SLCO1B3: variants seen among roughly 807,000 people sequenced by gnomAD.
SLCO1B3 encodes the protein solute carrier organic anion transporter family member 1B3.
Under a neutral mutation model 71.8 loss-of-function variants are expected in SLCO1B3, and 72 were observed. The observed-to-expected ratio is 1.00, with a 90% CI of 0.83 to 1.22. The LOEUF (loss-of-function observed/expected upper bound fraction) is 1.22. SLCO1B3 is among the 50% of genes most tolerant of loss of function. The probability of loss-of-function intolerance (pLI) is 0.00; values close to 1 mark genes in which losing one functional copy is unlikely to be tolerated. For synonymous variants in SLCO1B3, 298 were observed against 278.4 expected, an observed-to-expected ratio of 1.07 and a Z score of -0.70; for missense variants, 911 against 819.7, an observed-to-expected ratio of 1.11 and a Z score of -1.36.
intron 8 of SLCO1B3, among the ~76,000 whole-genome samples, chr12:20,873,643 G>C (rs745492962): frequency 7.2e-5 from 11 of 152,182 alleles, no homozygotes; most frequent in Non-Finnish European, 1.0e-4. Flanking sequence ...TACATGTGCA[G>C]AATGTACAGG....
intron 10 of SLCO1B3, among the ~76,000 whole-genome samples, chr12:20,878,176 T>C (rs1865621249): frequency 1.3e-5 from 2 of 151,812 alleles, no homozygotes; most frequent in South Asian, 2.1e-4. Context: ...ATAGGTGAAA[T>C]TCTAAAGAAA....
At chr12:20,869,062 C>T (rs1218837333) in intron 8 of SLCO1B3, among the ~76,000 whole-genome samples, 7 of 152,042 alleles carry the variant, frequency 4.6e-5, no homozygotes, top group Admixed American at 3.9e-4. Context: ...GATGGTTAGG[C>T]CTCTGGATAA....
At chr12:20,894,934 A>G (rs989660454) in intron 13 of SLCO1B3, among the ~76,000 whole-genome samples, 1 of 152,192 alleles carries the variant, frequency 6.6e-6, no homozygotes, top group South Asian at 2.1e-4. Flanking sequence ...AAGCCTCACA[A>G]TCATAGTGGA....
intron 3 of SLCO1B3, among the ~76,000 whole-genome samples, chr12:20,835,583 T>C (rs1864662232): frequency 6.6e-6 from 1 of 152,136 alleles, no homozygotes; most frequent in South Asian, 2.1e-4. Context: ...AGAATCACAT[T>C]TGCTCTAGTT....
chr12:20,838,088 C>G (rs1350290408), intron 3 of SLCO1B3, among the ~76,000 whole-genome samples: 1 of 150,928 alleles, frequency 6.6e-6, no homozygotes, highest in Non-Finnish European at 1.5e-5. Flanking sequence ...CCCCCTCCCA[C>G]CTTTTTTTTT....
At chr12:20,905,378 A>T (rs1034477410) in intron 15 of SLCO1B3, among the ~76,000 whole-genome samples, 1 of 152,156 alleles carries the variant, frequency 6.6e-6, no homozygotes, top group Non-Finnish European at 1.5e-5. Context: ...AGCAGGCTTG[A>T]TTTTATTCTC....
At chr12:20,814,981 C>CTTTTTTTTTTTTTT (rs71039997) in intron 2 of SLCO1B3, among the ~76,000 whole-genome samples, 4 of 89,296 alleles carry the variant, frequency 4.5e-5, no homozygotes, top group South Asian at 4.9e-4. Context: ...CTTTTCTTTT[C>CTTTTTTTTTTTTTT]TTTTTTTTTT....
At chr12:20,820,548 T>A (rs1228882643) in intron 3 of SLCO1B3, among the ~76,000 whole-genome samples, 1 of 152,162 alleles carries the variant, frequency 6.6e-6, no homozygotes, top group Non-Finnish European at 1.5e-5. Flanking sequence ...GCTGGAGATG[T>A]GGCTGGGGTT....
intron 10 of SLCO1B3, among the ~76,000 whole-genome samples, chr12:20,878,194 G>T (rs1465047292): frequency 6.6e-6 from 1 of 151,932 alleles, no homozygotes; most frequent in Non-Finnish European, 1.5e-5. Flanking sequence ...AAAAAAAATT[G>T]CTTGTGAATA....
At chr12:20,901,293 C>A in intron 14 of SLCO1B3, 57 bp from the exon 15 acceptor site, 1 of 1,062,836 alleles carries the variant, frequency 9.4e-7, no homozygotes, top group Non-Finnish European at 1.4e-6. Flanking sequence ...TCGACTATCG[C>A]TCAGTTACAT....
chr12:20,850,150 T>G (rs964657477), intron 3 of SLCO1B3, among the ~76,000 whole-genome samples: 1 of 150,360 alleles, frequency 6.7e-6, no homozygotes. Flanking sequence ...TGGAAAAAAA[T>G]TTTTAAAACT....
intron 13 of SLCO1B3, among the ~76,000 whole-genome samples, chr12:20,886,936 G>A (rs958220539): frequency 6.6e-6 from 1 of 151,922 alleles, no homozygotes; most frequent in Non-Finnish European, 1.5e-5. Context: ...TGTGCCCATT[G>A]TTTAGCTCCC....
rs1433894015 is a variant in SLCO1B3, at chr12:20,862,557, A to G, written c.627A>G (p.Leu209=). 2.5e-6 allele frequency: 4 copies of G among 1,604,740 alleles called. No homozygotes were observed. The South Asian group carries it at 3.3e-5, about 13-fold the overall frequency. ...FAKEGHSSLY[L]GSLNAIGMIG... is the part of the protein sequence containing the mutation. ...AAGAAGGACATTCTTCCTTGTATTT[A>G]GGTAACGTACAGAATATATTAAATT... is the stretch of plus-strand genomic sequence containing the variant. Residue 209 remains leucine, a splice_region_variant and synonymous_variant, in exon 7 of 16, where the codon TTA becomes TTG. Transcript: ENST00000381545.
intron 13 of SLCO1B3, among the ~76,000 whole-genome samples, chr12:20,892,067 C>T (rs1369494014): frequency 2.0e-5 from 3 of 151,984 alleles, no homozygotes; most frequent in Admixed American, 2.0e-4. Context: ...TCAAAGATTT[C>T]ATTTTGGTTT....
In SLCO1B3 at chr12:20,851,801, G is replaced by T. The variant is rs554727992; in HGVS notation, c.85-3227G>T. Among the ~76,000 whole-genome samples the T allele has an allele frequency of 6.5e-4, 25 of 38,242 alleles. No individual in the cohort carries two copies. The Admixed American group carries it at 8.2e-3, about 13-fold the overall frequency. The allele number at this position is 38,242 out of a possible 152,430, so 25.1% of individuals were successfully genotyped here. ...TAAGAGTGTAAGGTCTTACATTTAG[G>T]CATTTAATCCCATTTTGAGTTAGTT... On this transcript the variant is annotated intron_variant, in intron 3 of 15. Coordinates refer to ENST00000381545, the MANE Select transcript of SLCO1B3 (RefSeq NM_019844.4).
intron 15 of SLCO1B3, among the ~76,000 whole-genome samples, chr12:20,904,432 G>C (rs1322923363): frequency 6.6e-6 from 1 of 152,000 alleles, no homozygotes; most frequent in African/African-American, 2.4e-5. Context: ...CACACATCTA[G>C]GGCACAATGA....
chr12:20,839,214 TAA>T (rs142998208), intron 3 of SLCO1B3, among the ~76,000 whole-genome samples: 1 of 151,888 alleles, frequency 6.6e-6, no homozygotes, highest in Non-Finnish European at 1.5e-5. Flanking sequence ...AATTAAGAAT[TAA>T]AAAAAACTTT....
At chr12:20,845,211 T>C in intron 3 of SLCO1B3, 1 of 465,110 alleles carries the variant, frequency 2.2e-6, no homozygotes, top group East Asian at 6.1e-5. Flanking sequence ...GATCTACACA[T>C]ACTGTTAAGA....
chr12:20,837,967 C>A (rs1296573742), intron 3 of SLCO1B3, among the ~76,000 whole-genome samples: 3 of 151,982 alleles, frequency 2.0e-5, no homozygotes, highest in Non-Finnish European at 4.4e-5. Flanking sequence ...TTTCTCCTTG[C>A]AGTTCTACCA....
Sources: gnomAD v4.1 joint callset for allele counts (sites outside exome capture counted in the v4.1 genomes callset) on GRCh38, gnomAD v4.1.1 for gene constraint, MANE v1.5 for transcripts, NCBI Gene and HGNC (gene_info 2026-07-23, HGNC 2026-07-21) for gene names.